The following CALD1 variants were observed in gnomAD, a reference collection of about 807,000 sequenced individuals.
The protein encoded by CALD1 is caldesmon.
In CALD1, 33 loss-of-function variants were observed where a neutral mutation model predicts 99.9. The observed-to-expected ratio is 0.33, with a 90% CI of 0.25 to 0.44. CALD1 has a LOEUF of 0.44. Among genes scored for constraint, CALD1 ranks in the 20% least tolerant of loss-of-function variants. The pLI is 1.00. For synonymous variants in CALD1, 310 were observed against 325.0 expected (o/e 0.95, Z 0.50); for missense variants, 861 against 962.1 (o/e 0.89, Z 1.39).
At chr7:134,913,355 G>A (rs180816516) in intron 3 of CALD1, among the ~76,000 whole-genome samples, 2 of 152,124 alleles carry the variant, frequency 1.3e-5, no homozygotes, top group African/African-American at 4.8e-5. Flanking sequence ...TCACATTATC[G>A]ATTACAATGC....
At chr7:134,948,438 T>C (rs1458147722) in intron 8 of CALD1, among the ~76,000 whole-genome samples, 1 of 152,178 alleles carries the variant, frequency 6.6e-6, no homozygotes, top group Non-Finnish European at 1.5e-5. Flanking sequence ...GCTCAGCATA[T>C]GAAATAATGT....
intron 1 of CALD1, among the ~76,000 whole-genome samples, chr7:134,798,840 A>T (rs1797843108): frequency 6.6e-6 from 1 of 152,210 alleles, no homozygotes; most frequent in African/African-American, 2.4e-5. Context: ...ATCTAGAGGC[A>T]TCTCAGTCTT....
chr7:134,895,198 T>A (rs1299446229), intron 3 of CALD1, among the ~76,000 whole-genome samples: 3 of 151,742 alleles, frequency 2.0e-5, no homozygotes, highest in African/African-American at 7.3e-5. Context: ...ATAAGAATAT[T>A]GAGATTTGTC....
At chr7:134,757,809 G>A (rs1796742403) in intron 1 of CALD1, among the ~76,000 whole-genome samples, 1 of 152,052 alleles carries the variant, frequency 6.6e-6, no homozygotes, top group Non-Finnish European at 1.5e-5. Flanking sequence ...AACCCGGGAG[G>A]CAGAGGTTGC....
chr7:134,804,120 A>C (rs1798047722), intron 1 of CALD1, among the ~76,000 whole-genome samples: 1 of 152,258 alleles, frequency 6.6e-6, no homozygotes, highest in East Asian at 1.9e-4. Flanking sequence ...TTACCTTTCT[A>C]CTGTTGGAGA....
rs1354654711 is a variant in CALD1, at chr7:134,933,001, G to A, written c.232G>A (p.Glu78Lys). The A allele has an allele frequency of 3.1e-6, 5 of 1,607,362 alleles. No individual in the cohort carries two copies. Among genetic ancestry groups the A allele is most frequent in the Non-Finnish European group, 4.2e-6 (5 of 1,176,842 alleles). Residue 78 changes from glutamate to lysine, a missense_variant, in exon 5 of 15, where the codon GAG becomes AAG. Glu to Lys is a moderately conservative substitution (Grantham distance 56). Around this residue, in one of 5 missense-constraint regions of CALD1, gnomAD observed 123 missense variants for 169.8 expected, o/e 0.72. Coordinates refer to ENST00000361675, the MANE Select transcript of CALD1 (RefSeq NM_033138.4). ...TCTGTTGTACAGTGTGCCTGACGAG[G>A]AGGCCAAGACAACCACCACAAACAC... ...VNAQNSVPDEEAKTTTTNTQV... is the reference protein window; with the variant it reads ...VNAQNSVPDEKAKTTTTNTQV...
rs1217524658 is a variant in CALD1, at chr7:134,860,859, A to G, written c.-41-6834A>G. 4.6e-5 allele frequency among the ~76,000 whole-genome samples: 7 copies of G among 152,202 alleles called. No individual in the cohort carries two copies. In the East Asian group the frequency reaches 1.3e-3, roughly 29 times the overall value. ...TGAGGGAAGTAAAATTTGAGCATGA[A>G]ATTCATGATTGAATAAAAATATGGA... On this transcript the variant is annotated intron_variant, in intron 2 of 14. Coordinates refer to ENST00000361675, the MANE Select transcript of CALD1 (RefSeq NM_033138.4).
At chr7:134,947,410 T>C in intron 7 of CALD1, 98 bp from the exon 8 acceptor site, 3 of 1,251,638 alleles carry the variant, frequency 2.4e-6, no homozygotes, top group Non-Finnish European at 3.3e-6. Flanking sequence ...AGTGGGTATT[T>C]AGTCGGGGAT....
chr7:134,811,119 C>T (rs2131923773), intron 1 of CALD1, among the ~76,000 whole-genome samples: 1 of 152,324 alleles, frequency 6.6e-6, no homozygotes, highest in Middle Eastern at 3.4e-3. Flanking sequence ...CATCTCCCTA[C>T]TTCATTAAAA....
At chr7:134,854,034 A>G (rs1480353555) in intron 2 of CALD1, among the ~76,000 whole-genome samples, 2 of 152,136 alleles carry the variant, frequency 1.3e-5, no homozygotes, top group Non-Finnish European at 2.9e-5. Flanking sequence ...CCTGCAGAGG[A>G]CATGAACTCA....
intron 1 of CALD1, among the ~76,000 whole-genome samples, chr7:134,790,795 C>T (rs775926170): frequency 5.9e-5 from 9 of 152,214 alleles, no homozygotes; most frequent in Non-Finnish European, 1.2e-4. Flanking sequence ...CCTGACTCAA[C>T]GGGAGATTTT....
At chr7:134,917,960 A>G (rs1356126854) in intron 3 of CALD1, among the ~76,000 whole-genome samples, 1 of 152,224 alleles carries the variant, frequency 6.6e-6, no homozygotes, top group East Asian at 1.9e-4. Context: ...CTTTCCTTAC[A>G]TATTCTTTGT....
intron 3 of CALD1, among the ~76,000 whole-genome samples, chr7:134,884,226 G>C (rs1037999533): frequency 4.6e-5 from 7 of 152,184 alleles, no homozygotes; most frequent in Non-Finnish European, 7.3e-5. Flanking sequence ...TCTCAGGGTT[G>C]GTTGAGTTTC....
upstream of CALD1, among the ~76,000 whole-genome samples, chr7:134,778,054 C>T (rs897306152): frequency 2.0e-5 from 3 of 152,198 alleles, no homozygotes; most frequent in African/African-American, 7.2e-5. Flanking sequence ...ATTCTTTTCT[C>T]TGGGAAAGTG....
At chr7:134,825,436 A>T (rs1798950316) in intron 1 of CALD1, among the ~76,000 whole-genome samples, 1 of 152,168 alleles carries the variant, frequency 6.6e-6, no homozygotes, top group Non-Finnish European at 1.5e-5. Flanking sequence ...TGATTAGGGT[A>T]ATTTAAGGTC....
chr7:134,782,351 G>A (rs1797138925), intron 1 of CALD1, among the ~76,000 whole-genome samples: 1 of 152,130 alleles, frequency 6.6e-6, no homozygotes, highest in African/African-American at 2.4e-5. Flanking sequence ...ACTTCAAAAG[G>A]GCGTTTTCTG....
intron 1 of CALD1, among the ~76,000 whole-genome samples, chr7:134,837,768 T>C (rs541806429): frequency 6.6e-5 from 10 of 152,202 alleles, no homozygotes; most frequent in Admixed American, 3.3e-4. Flanking sequence ...AATGCTACCA[T>C]AGAGGCATTA....
intron 3 of CALD1, chr7:134,928,106 AT>A: frequency 3.1e-6 from 1 of 320,246 alleles, no homozygotes; most frequent in Non-Finnish European, 6.5e-6. Flanking sequence ...CATTTTGTTT[AT>A]TTTTGGTTCA....
chr7:134,746,458 C>T (rs1329352910), intron 1 of CALD1, among the ~76,000 whole-genome samples: 1 of 152,088 alleles, frequency 6.6e-6, no homozygotes, highest in Non-Finnish European at 1.5e-5. Context: ...CGGTTTAAGA[C>T]AAAAAATTAG....
Sources: gnomAD v4.1 joint callset for allele counts (sites outside exome capture counted in the v4.1 genomes callset) on GRCh38, gnomAD v4.1.1 for gene constraint, gnomAD v4.1.1 regional missense constraint, MANE v1.5 for transcripts, NCBI Gene and HGNC (gene_info 2026-07-23, HGNC 2026-07-21) for gene names.